Variants in SCYL2 observed in about 807,000 individuals in gnomAD.
The protein encoded by SCYL2 is SCY1-like protein 2.
In SCYL2, 36 loss-of-function variants were observed where a neutral mutation model predicts 100.4. The ratio of observed to expected loss-of-function variants is 0.36; its 90% CI spans 0.27 to 0.47. SCYL2 has a LOEUF of 0.47. Among genes scored for constraint, SCYL2 ranks in the 20% least tolerant of loss-of-function variants. The pLI is 1.00. For missense variants in SCYL2, 902 were observed against 1,083.9 expected (o/e 0.83, Z 2.36); for synonymous variants, 330 against 359.2 (o/e 0.92, Z 0.92).
intron 1 of SCYL2, among the ~76,000 whole-genome samples, chr12:100,269,802 GGATACA>G (rs1178164571): frequency 6.6e-6 from 1 of 152,070 alleles, no homozygotes; most frequent in Non-Finnish European, 1.5e-5. Context: ...AGCTTTCTCA[GGATACA>G]GATATACTTC....
chr12:100,315,520 A>AT, intron 8 of SCYL2, 38 bp from the exon 9 acceptor site: 1 of 1,536,736 alleles, frequency 6.5e-7, no homozygotes, highest in Non-Finnish European at 8.8e-7. Flanking sequence ...CCTTTAATAA[A>AT]TTTTATTTTT....
chr12:100,298,132 A>T lies in SCYL2; in HGVS notation c.437A>T (p.Asp146Val). Residue 146 changes from aspartate (D) to valine (V), a missense_variant, in exon 4 of 18, where the codon GAT becomes GTT. By Grantham distance (152) the Asp-to-Val change is radical. Coordinates refer to ENST00000360820, the MANE Select transcript of SCYL2 (RefSeq NM_017988.6). ...TCCCCTATATCTCCAGACATTAAGG[A>T]TTATAAACTTTATGATGTAGAAACC... Reference protein sequence around the residue: ...LPSPISPDIKDYKLYDVETKY... With the variant: ...LPSPISPDIKVYKLYDVETKY... The T allele has an allele frequency of 6.3e-7, 1 of 1,595,284 alleles. No individual in the cohort carries two copies. Among genetic ancestry groups the T allele is most frequent in the South Asian group, 1.1e-5 (1 of 87,856 alleles).
rs905579131 is a variant in SCYL2, at chr12:100,267,715, T to G, written c.-106T>G. 6.6e-6 allele frequency: 1 copy of G among 152,076 alleles called. No homozygotes were observed. Among genetic ancestry groups the G allele is most frequent in the Non-Finnish European group, 1.5e-5 (1 of 68,116 alleles). 9.4% of individuals were successfully genotyped at this position (152,076 alleles called of 1,614,324 possible). A position where few individuals can be genotyped will look rare whatever the true frequency, so the allele number is the denominator to read the frequency against. On this transcript the variant is annotated 5_prime_UTR_variant, in exon 1 of 18. The change abolishes an upstream ATG in the 5' untranslated region. Coordinates refer to ENST00000360820, the MANE Select transcript of SCYL2 (RefSeq NM_017988.6). ...CAGCTGCCGGAGGGAGAGCCCCCCA[T>G]GCCGGCTCGAGAGCTCGGGTTTCGG...
chr12:100,295,769 ACGGGAG>A (rs1216524778), intron 3 of SCYL2, among the ~76,000 whole-genome samples: 3 of 142,582 alleles, frequency 2.1e-5, no homozygotes, highest in African/African-American at 8.2e-5. Context: ...CCGTGGGGAG[ACGGGAG>A]AGGGAGAGGG....
chr12:100,323,186 T>G (rs1023790027), intron 10 of SCYL2, among the ~76,000 whole-genome samples: 2 of 152,222 alleles, frequency 1.3e-5, no homozygotes, highest in South Asian at 2.1e-4. Flanking sequence ...TTCTGAGAGA[T>G]AGCAAAACTT....
intron 3 of SCYL2, among the ~76,000 whole-genome samples, chr12:100,294,261 C>T (rs1251013651): frequency 1.5e-5 from 2 of 137,098 alleles, no homozygotes; most frequent in Non-Finnish European, 3.2e-5. Context: ...GGGGGCTGAC[C>T]CCCCAACCTC....
intron 13 of SCYL2, among the ~76,000 whole-genome samples, chr12:100,329,839 T>C (rs1048297671): frequency 1.2e-4 from 18 of 152,210 alleles, no homozygotes; most frequent in African/African-American, 4.3e-4. Flanking sequence ...TTGGCAAGAT[T>C]CAGTTGCTTT....
intron 13 of SCYL2, among the ~76,000 whole-genome samples, chr12:100,332,709 T>C (rs563656730): frequency 6.7e-6 from 1 of 149,850 alleles, no homozygotes; most frequent in South Asian, 2.1e-4. Context: ...TGTTTTTGTT[T>C]TTATTTTTGT....
rs187552603 is a variant in SCYL2 at position 100,304,065 on chromosome 12, A to T, written c.480+5890A>T. ...GGCTTTGTTTACACTGTGAGGGGAA[A>T]ACCACCTACTGAAGCTTCAGTAATG... On this transcript the variant is annotated intron_variant, in intron 4 of 17. Transcript: ENST00000360820. 9.2e-5 allele frequency among the ~76,000 whole-genome samples: 14 copies of T among 152,096 alleles called. No homozygotes were observed. The East Asian group carries it at 2.5e-3, about 27-fold the overall frequency.
Position 100,339,741 on chromosome 12 carries a change from T to A in SCYL2, c.*569T>A, listed in dbSNP as rs771497627. 3 of 152,708 alleles carry A rather than the reference T, an allele frequency of 2.0e-5. No individual in the cohort carries two copies. The highest frequency in any genetic ancestry group is 4.4e-5 in the Non-Finnish European group (3 of 68,096). 9.5% of individuals were successfully genotyped at this position (152,708 alleles called of 1,614,324 possible). On this transcript the variant is annotated 3_prime_UTR_variant, in exon 18 of 18. Transcript: ENST00000360820. ...TTGTTTAGTACAGAGACTGAGCAAA[T>A]ACTACAAAATTCAACTTAACCTTCA...
chr12:100,315,858 C>T (rs962622499), intron 9 of SCYL2, 124 bp downstream of exon 9: 3 of 745,608 alleles, frequency 4.0e-6, no homozygotes, highest in African/African-American at 3.6e-5. Context: ...ACTTTCTTTT[C>T]CATTAGTCAG....
chr12:100,313,868 A>G (rs761569266), intron 7 of SCYL2, among the ~76,000 whole-genome samples: 8 of 151,702 alleles, frequency 5.3e-5, no homozygotes, highest in Non-Finnish European at 1.0e-4. Context: ...TATTTCACTC[A>G]TATAACCATG....
chr12:100,331,517 A>G (rs1312889058), intron 13 of SCYL2, among the ~76,000 whole-genome samples: 1 of 152,074 alleles, frequency 6.6e-6, no homozygotes, highest in Non-Finnish European at 1.5e-5. Context: ...CTGAGGTAGG[A>G]GGATTGCTTG....
chr12:100,298,269 G>T (rs1296018517), intron 4 of SCYL2, 94 bp downstream of exon 4: 27 of 921,938 alleles, frequency 2.9e-5, no homozygotes, highest in Non-Finnish European at 3.7e-5. Context: ...ACTATTTTAG[G>T]TAAACTTTTG....
chr12:100,306,067 T>C (rs2096334003), intron 4 of SCYL2, among the ~76,000 whole-genome samples: 1 of 152,184 alleles, frequency 6.6e-6, no homozygotes, highest in South Asian at 2.1e-4. Flanking sequence ...AACCAAATTC[T>C]ACCAGAGGTA....
intron 11 of SCYL2, among the ~76,000 whole-genome samples, chr12:100,325,226 CA>C (rs2135924920): frequency 6.6e-6 from 1 of 152,198 alleles, no homozygotes; most frequent in Admixed American, 6.5e-5. Context: ...AATCCAAAAC[CA>C]AAGCAAAGCG....
chr12:100,314,265 A>G (rs1400581331), intron 7 of SCYL2, among the ~76,000 whole-genome samples: 1 of 152,220 alleles, frequency 6.6e-6, no homozygotes, highest in Non-Finnish European at 1.5e-5. Flanking sequence ...TACATAAAAG[A>G]AAGTTTTTAC....
intron 10 of SCYL2, 23 bp from the exon 11 acceptor site, chr12:100,323,502 G>T: frequency 7.6e-7 from 1 of 1,314,984 alleles, no homozygotes; most frequent in South Asian, 1.2e-5. Context: ...CCCTAATATT[G>T]ATTCAGTTTA....
At chr12:100,278,885 C>T (rs550084424) in intron 1 of SCYL2, among the ~76,000 whole-genome samples, 1 of 152,264 alleles carries the variant, frequency 6.6e-6, no homozygotes, top group African/African-American at 2.4e-5. Context: ...ACCTCAGCCT[C>T]CCAAAGTGCT....
Sources: gnomAD v4.1 joint callset for allele counts (sites outside exome capture counted in the v4.1 genomes callset) on GRCh38, gnomAD v4.1.1 for gene constraint, MANE v1.5 for transcripts, NCBI Gene and HGNC (gene_info 2026-07-23, HGNC 2026-07-21) for gene names.